The following ZFPM1 variants were observed in gnomAD, a reference collection of about 807,000 sequenced individuals.
ZFPM1 encodes the protein zinc finger protein, FOG family member 1.
A neutral mutation model predicts 46.3 loss-of-function variants in ZFPM1; 28 were observed. That is an observed-to-expected ratio of 0.60 (90% CI 0.45 to 0.83). ZFPM1 has a LOEUF of 0.83. Among genes scored for constraint, ZFPM1 ranks in the 40% least tolerant of loss-of-function variants. The pLI, the probability that ZFPM1 is intolerant of heterozygous loss-of-function variation, is 0.00. For synonymous variants in ZFPM1, 957 were observed against 675.9 expected (o/e 1.42, Z -6.45); for missense variants, 1,878 against 1,432.4 (o/e 1.31, Z -5.02).
intron 2 of ZFPM1, among the ~76,000 whole-genome samples, chr16:88,487,592 G>A (rs1436287072): frequency 6.6e-6 from 1 of 152,134 alleles, no homozygotes; most frequent in Non-Finnish European, 1.5e-5. Flanking sequence ...GAGATCCCAG[G>A]CAGACCTTGG....
At chr16:88,490,530 A>G (rs149706994) in intron 3 of ZFPM1, among the ~76,000 whole-genome samples, 1 of 152,200 alleles carries the variant, frequency 6.6e-6, no homozygotes, top group Admixed American at 6.5e-5. Flanking sequence ...CAGAGGGACC[A>G]CATTCCTTCC....
chr16:88,499,329 T>G (rs1910117934), intron 3 of ZFPM1, among the ~76,000 whole-genome samples: 1 of 152,242 alleles, frequency 6.6e-6, no homozygotes, highest in Non-Finnish European at 1.5e-5. Context: ...GTGCCAGCCC[T>G]GTGATAGACA....
At chr16:88,472,258 C>T (rs537582407) in intron 1 of ZFPM1, among the ~76,000 whole-genome samples, 5 of 152,210 alleles carry the variant, frequency 3.3e-5, no homozygotes, top group South Asian at 2.1e-4. Context: ...GCCAGCTCTG[C>T]GCCTCGGTCC....
chr16:88,489,084 G>C lies in ZFPM1; in HGVS notation c.199G>C (p.Glu67Gln). 6.2e-7 allele frequency: 1 copy of C among 1,613,182 alleles called. No individual in the cohort carries two copies. Among genetic ancestry groups the C allele is most frequent in the South Asian group, 1.1e-5 (1 of 91,070 alleles). The change falls in exon 3 of 10, where the codon GAG (glutamate) becomes CAG (glutamine). Residue 67 changes from glutamate to glutamine, a missense_variant. Physicochemically the swap from Glu to Gln is conservative, Grantham distance 29. Coordinates refer to ENST00000319555, the MANE Select transcript of ZFPM1 (RefSeq NM_153813.3). ...CCCCACATCCCCAGGAGGCCCCAAG[G>C]AGCTGGAAGGACAGGAACCAGAACC... ...PPPTSPGGPK[E>Q]LEGQEPEPRP...
In ZFPM1 at chr16:88,535,196, C is replaced by T. The variant is rs1468278986; in HGVS notation, c.*217C>T. ...GGTGGGCCAGCCTAGTTCTCTGAGC[C>T]AGCAGGCACACGCAGCCAGTGTCAC... On this transcript the variant is annotated 3_prime_UTR_variant, in exon 10 of 10. Transcript: ENST00000319555. The T allele has an allele frequency of 2.2e-6, 1 of 456,494 alleles. No individual in the cohort carries two copies. The highest frequency in any genetic ancestry group is 3.5e-6 in the Non-Finnish European group (1 of 284,632). The allele number at this position is 456,494 out of a possible 1,614,324, so 28.3% of individuals were successfully genotyped here. A position where few individuals can be genotyped will look rare whatever the true frequency, so the allele number is the denominator to read the frequency against.
chr16:88,528,999 G>A (rs150282429), intron 6 of ZFPM1, among the ~76,000 whole-genome samples: 1,836 of 152,298 alleles, frequency 0.012, 16 homozygotes, highest in Non-Finnish European at 0.019. Context: ...ACTCACCCCC[G>A]GCCGGGTACA....
intron 1 of ZFPM1, among the ~76,000 whole-genome samples, chr16:88,467,865 G>A (rs79222472): frequency 2.6e-5 from 4 of 152,274 alleles, no homozygotes; most frequent in East Asian, 3.9e-4. Flanking sequence ...AGGGCGATGC[G>A]TGCTGTGCGG....
chr16:88,534,311 C>G lies in ZFPM1; in HGVS notation c.2353C>G (p.Arg785Gly). 2.3e-6 allele frequency: 3 copies of G among 1,310,742 alleles called. No homozygotes were observed. Among genetic ancestry groups the G allele is most frequent in the East Asian group, 3.6e-5 (1 of 27,738 alleles). The allele number at this position is 1,310,742 out of a possible 1,614,324, so 81.2% of individuals were successfully genotyped here. ...SGSGPGLAPARSPGPAADGPI... is the reference protein window; with the variant it reads ...SGSGPGLAPAGSPGPAADGPI... The stretch of plus-strand genomic sequence containing the variant: ...AAGCGGCCCCGGCCTCGCCCCTGCG[C>G]GCTCGCCCGGCCCCGCGGCCGACGG... Residue 785 changes from arginine (R) to glycine (G), a missense_variant, in exon 10 of 10, where the codon CGC becomes GGC. By Grantham distance (125) the Arg-to-Gly change is moderately radical. Coordinates refer to ENST00000319555, the MANE Select transcript of ZFPM1 (RefSeq NM_153813.3).
At chr16:88,501,589 T>TGATGGAGATAGTGGTCATGGATGCG (rs1567541544) in intron 3 of ZFPM1, among the ~76,000 whole-genome samples, 1 of 62,606 alleles carries the variant, frequency 1.6e-5, no homozygotes, top group Non-Finnish European at 3.1e-5. Context: ...TGTGGGTGCA[T>TGATGGAGATAGTGGTCATGGATGCG]GGGCTCTCCC....
intron 2 of ZFPM1, among the ~76,000 whole-genome samples, chr16:88,487,313 T>C (rs544660722): frequency 2.6e-5 from 4 of 152,114 alleles, no homozygotes; most frequent in Non-Finnish European, 2.9e-5. Flanking sequence ...CAGGCACCAA[T>C]CTCATACCTA....
At chr16:88,502,056 G>A (rs1413034105) in intron 3 of ZFPM1, among the ~76,000 whole-genome samples, 1 of 105,866 alleles carries the variant, frequency 9.4e-6, no homozygotes, top group Non-Finnish European at 2.0e-5. Context: ...GGCTCCACCC[G>A]CCCCCCCCCA....
intron 4 of ZFPM1, among the ~76,000 whole-genome samples, chr16:88,519,102 G>GTGGA (rs1567549223): frequency 7.7e-6 from 1 of 130,432 alleles, no homozygotes. Context: ...GAGAGTGTGG[G>GTGGA]TGGATGGGTG....
intron 1 of ZFPM1, among the ~76,000 whole-genome samples, chr16:88,455,831 G>C (rs567433716): frequency 3.9e-5 from 6 of 152,294 alleles, no homozygotes; most frequent in African/African-American, 1.4e-4. Flanking sequence ...AGATGGCGGA[G>C]GCGATAGGCC....
In ZFPM1 at chr16:88,453,595, C is replaced by G. The variant is rs899462688; in HGVS notation, c.-44C>G. The G allele has an allele frequency of 4.1e-4, 408 of 1,003,276 alleles. 5 individuals are homozygous for G. In the African/African-American group the frequency reaches 6.6e-3, roughly 16 times the overall value. The allele number at this position is 1,003,276 out of a possible 1,614,324, so 62.1% of individuals were successfully genotyped here. A position where few individuals can be genotyped will look rare whatever the true frequency, so the allele number is the denominator to read the frequency against. On this transcript the variant is annotated 5_prime_UTR_variant, in exon 1 of 10. Transcript: ENST00000319555. Reference sequence around the variant, plus strand: ...CCCCCGCCGCCCGCCGCCGCCCGCCCGGGGCTAGAGGCGGCCGCCGGGAGG... The same window carrying G: ...CCCCCGCCGCCCGCCGCCGCCCGCCGGGGGCTAGAGGCGGCCGCCGGGAGG...
In ZFPM1 at chr16:88,535,027, GGGGAGGGGGCCGCCCCCAGGC is replaced by G. The variant is rs775049088; in HGVS notation, c.*49_*69del. The stretch of plus-strand genomic sequence containing the variant: ...CGCTTTGCACGCCCCGCTGCGATGC[GGGGAGGGGGCCGCCCCCAGGC>G]CGCACGGACTGCCGCTCCTGGGAAC... On this transcript the variant is annotated 3_prime_UTR_variant, in exon 10 of 10. Coordinates refer to ENST00000319555, the MANE Select transcript of ZFPM1 (RefSeq NM_153813.3). 1 of 1,355,058 alleles carries G rather than the reference GGGGAGGGGGCCGCCCCCAGGC, an allele frequency of 7.4e-7. No homozygotes were observed. The highest frequency in any genetic ancestry group is 9.6e-7 in the Non-Finnish European group (1 of 1,045,504). The allele number at this position is 1,355,058 out of a possible 1,614,324, so 83.9% of individuals were successfully genotyped here.
chr16:88,486,008 C>T lies in ZFPM1; in HGVS notation c.110C>T (p.Ala37Val), dbSNP rs1400732027. 1.2e-6 allele frequency: 2 copies of T among 1,612,824 alleles called. No homozygotes were observed. The highest frequency in any genetic ancestry group is 2.2e-5 in the South Asian group (2 of 91,064). ...GGTGCCAGCCACATGGAGCAAAAGG[C>T]CACGGCACCTGAAGCCCCGAGCCCT... is the stretch of plus-strand genomic sequence containing the variant. ...LVGASHMEQK[A>V]TAPEAPSPPS... Residue 37 changes from alanine (A) to valine (V), a missense_variant, in exon 2 of 10, where the codon GCC becomes GTC. Coordinates refer to ENST00000319555, the MANE Select transcript of ZFPM1 (RefSeq NM_153813.3).
At chr16:88,523,221 A>T (rs894253105) in intron 4 of ZFPM1, among the ~76,000 whole-genome samples, 1 of 151,740 alleles carries the variant, frequency 6.6e-6, no homozygotes, top group African/African-American at 2.4e-5. Flanking sequence ...AAAAAAAAAA[A>T]ATAGGCCCCC....
intron 5 of ZFPM1, among the ~76,000 whole-genome samples, chr16:88,527,613 T>C (rs1912449111): frequency 6.6e-6 from 1 of 151,914 alleles, no homozygotes; most frequent in Admixed American, 6.6e-5. Context: ...AGCCTGGGCT[T>C]TGTGGGCTGA....
chr16:88,508,690 GAC>G (rs1752875693), intron 3 of ZFPM1, among the ~76,000 whole-genome samples: 1 of 152,234 alleles, frequency 6.6e-6, no homozygotes, highest in Non-Finnish European at 1.5e-5. Flanking sequence ...CTGCAGAGGG[GAC>G]ACAGAGTTTG....
Sources: allele counts gnomAD v4.1 joint callset (sites outside exome capture counted in the v4.1 genomes callset), GRCh38; gene constraint gnomAD v4.1.1; transcripts MANE v1.5; gene names NCBI Gene and HGNC (gene_info 2026-07-23, HGNC 2026-07-21).